The following MACROD2 variants were observed in gnomAD, a reference collection of about 807,000 sequenced individuals.
MACROD2 encodes the protein mono-ADP ribosylhydrolase 2, also known as ADP-ribose glycohydrolase MACROD2.
MACROD2 carries 36 observed loss-of-function variants against 70.4 expected under a neutral mutation model. The ratio of observed to expected loss-of-function variants is 0.51; its 90% confidence interval spans 0.39 to 0.68. MACROD2 has a LOEUF of 0.68. Among genes scored for constraint, MACROD2 ranks in the 30% least tolerant of loss-of-function variants. The pLI is 0.00. For missense variants in MACROD2, 496 were observed against 538.4 expected (o/e 0.92, Z 0.78); for synonymous variants, 172 against 178.8 (o/e 0.96, Z 0.30).
chr20:15,949,714 G>GAAA (rs2065879143), intron 12 of MACROD2, among the ~76,000 whole-genome samples: 2 of 152,132 alleles, frequency 1.3e-5, no homozygotes, highest in Admixed American at 6.6e-5. Context: ...GACCTAGAAT[G>GAAA]GAAGGTGCCT....
intron 3 of MACROD2, among the ~76,000 whole-genome samples, chr20:14,225,810 T>C (rs2081727803): frequency 6.6e-6 from 1 of 152,218 alleles, no homozygotes. Context: ...TTTAAGGTAG[T>C]TGTTTGAAAC....
At chr20:15,111,672 G>A (rs1368710827) in intron 5 of MACROD2, among the ~76,000 whole-genome samples, 2 of 152,146 alleles carry the variant, frequency 1.3e-5, no homozygotes, top group African/African-American at 2.4e-5. Flanking sequence ...ATGCACTTTG[G>A]AAGATGCCAG....
At chr20:15,709,324 A>G (rs911762684) in intron 8 of MACROD2, among the ~76,000 whole-genome samples, 1 of 152,146 alleles carries the variant, frequency 6.6e-6, no homozygotes, top group Admixed American at 6.5e-5. Context: ...ATCTTTTTAA[A>G]TGTTTTTTAA....
At chr20:15,939,960 T>C (rs1343770707) in intron 12 of MACROD2, among the ~76,000 whole-genome samples, 3 of 152,160 alleles carry the variant, frequency 2.0e-5, no homozygotes. Context: ...AGACTGAAGA[T>C]GTAACTGAAC....
At chr20:15,024,854 A>T (rs1402973537) in intron 5 of MACROD2, among the ~76,000 whole-genome samples, 1 of 152,142 alleles carries the variant, frequency 6.6e-6, no homozygotes, top group African/African-American at 2.4e-5. Flanking sequence ...CGATCAAGAG[A>T]TTGCTTTTCC....
intron 4 of MACROD2, among the ~76,000 whole-genome samples, chr20:14,629,937 CCTAT>C (rs1161384050): frequency 8.6e-5 from 13 of 150,932 alleles, no homozygotes; most frequent in Non-Finnish European, 1.2e-4. Context: ...TAACTCAGAT[CCTAT>C]TATGTGCTAA....
chr20:15,137,994 T>TTTTAGTTTACTAAAAGTAA (rs2076163566), intron 5 of MACROD2, among the ~76,000 whole-genome samples: 1 of 152,200 alleles, frequency 6.6e-6, no homozygotes, highest in Non-Finnish European at 1.5e-5. Context: ...ATTTTTAGTT[T>TTTTAGTTTACTAAAAGTAA]ACTTCCATAT....
At chr20:16,047,185 G>C (rs1302844433) in intron 17 of MACROD2, among the ~76,000 whole-genome samples, 6 of 152,122 alleles carry the variant, frequency 3.9e-5, no homozygotes, top group African/African-American at 1.2e-4. Flanking sequence ...TACACAGAAG[G>C]GTTTGTTAAG....
chr20:14,571,900 C>T (rs997196044), intron 4 of MACROD2, among the ~76,000 whole-genome samples: 2 of 151,966 alleles, frequency 1.3e-5, no homozygotes, highest in African/African-American at 4.8e-5. Flanking sequence ...TGTTTTTATT[C>T]TAGGAGAAGG....
chr20:15,008,656 C>T (rs1448392905), intron 5 of MACROD2, among the ~76,000 whole-genome samples: 1 of 152,056 alleles, frequency 6.6e-6, no homozygotes, highest in Non-Finnish European at 1.5e-5. Flanking sequence ...ACTGTTCCCC[C>T]CTTACATAAG....
chr20:15,993,922 C>G (rs16996907), intron 15 of MACROD2, among the ~76,000 whole-genome samples: 1,641 of 152,262 alleles, frequency 0.011, 25 homozygotes, highest in African/African-American at 0.038. Flanking sequence ...GGAATACACC[C>G]TCATAGAACC....
At chr20:14,014,940 A>T (rs1328023996) in intron 2 of MACROD2, among the ~76,000 whole-genome samples, 2 of 149,848 alleles carry the variant, frequency 1.3e-5, no homozygotes, top group Admixed American at 6.7e-5. Context: ...AGTTGGGACT[A>T]CAGGTGCACA....
chr20:14,974,277 A>T (rs2074717970), intron 5 of MACROD2, among the ~76,000 whole-genome samples: 1 of 152,210 alleles, frequency 6.6e-6, no homozygotes, highest in Non-Finnish European at 1.5e-5. Context: ...TTAAATTTCA[A>T]CATGAGCTTT....
intron 3 of MACROD2, among the ~76,000 whole-genome samples, chr20:14,308,951 C>G (rs544147434): frequency 2.5e-4 from 38 of 152,240 alleles, no homozygotes; most frequent in African/African-American, 8.9e-4. Flanking sequence ...TTTCCTCTTG[C>G]TGAGAAAGGA....
chr20:16,009,729 C>A (rs1293752088), intron 15 of MACROD2, among the ~76,000 whole-genome samples: 1 of 151,962 alleles, frequency 6.6e-6, no homozygotes, highest in African/African-American at 2.4e-5. Flanking sequence ...TGCACTCCAG[C>A]CTGCGCGATA....
chr20:15,120,890 C>T (rs2076025197), intron 5 of MACROD2, among the ~76,000 whole-genome samples: 1 of 152,092 alleles, frequency 6.6e-6, no homozygotes, highest in African/African-American at 2.4e-5. Flanking sequence ...TGTTGACTAC[C>T]CTCTCTTAGG....
intron 2 of MACROD2, among the ~76,000 whole-genome samples, chr20:14,015,610 G>A (rs2052977247): frequency 6.6e-6 from 1 of 151,440 alleles, no homozygotes. Context: ...TGTAAACTTT[G>A]TACCCATTAA....
At chr20:14,656,941 C>A (rs963541212) in intron 4 of MACROD2, among the ~76,000 whole-genome samples, 1 of 152,054 alleles carries the variant, frequency 6.6e-6, no homozygotes, top group Admixed American at 6.6e-5. Context: ...GTTAATAAAC[C>A]TCACTGCCTT....
intron 5 of MACROD2, among the ~76,000 whole-genome samples, chr20:15,030,665 A>G (rs1214464348): frequency 1.4e-5 from 2 of 147,860 alleles, no homozygotes; most frequent in Non-Finnish European, 2.9e-5. Context: ...AGATAGATAG[A>G]CAGATAGATA....
Sources: gnomAD v4.1 joint callset for allele counts (sites outside exome capture counted in the v4.1 genomes callset) on GRCh38, gnomAD v4.1.1 for gene constraint, MANE v1.5 for transcripts, NCBI Gene and HGNC (gene_info 2026-07-23, HGNC 2026-07-21) for gene names.